Variants in ZSCAN2 observed in about 807,000 individuals in gnomAD.
ZSCAN2 encodes the protein zinc finger and SCAN domain-containing protein 2.
Under a neutral mutation model 47.8 loss-of-function variants are expected in ZSCAN2, and 26 were observed. That is an observed-to-expected ratio of 0.54 (90% confidence interval 0.40 to 0.75). The LOEUF (loss-of-function observed/expected upper bound fraction) is 0.75, where lower values mean the gene tolerates loss of function less well. Among genes scored for constraint, ZSCAN2 ranks in the 30% least tolerant of loss-of-function variants. The pLI is 0.00. For synonymous variants in ZSCAN2, 305 were observed against 288.7 expected (o/e 1.06, Z -0.57); for missense variants, 732 against 785.4 (o/e 0.93, Z 0.81).
At chr15:84,618,499 G>A (rs190990545) in intron 2 of ZSCAN2, among the ~76,000 whole-genome samples, 14 of 152,088 alleles carry the variant, frequency 9.2e-5, no homozygotes, top group African/African-American at 2.7e-4. Context: ...AGAGGACATT[G>A]TGTGGTATAA....
At chr15:84,619,429 CAA>C (rs760419756) in intron 2 of ZSCAN2, among the ~76,000 whole-genome samples, 26 of 109,422 alleles carry the variant, frequency 2.4e-4, no homozygotes, top group South Asian at 2.9e-4. Context: ...GACTCCGTCT[CAA>C]AAAAAAAAAA....
intron 2 of ZSCAN2, chr15:84,611,765 C>G (rs1440349139): frequency 6.6e-6 from 1 of 152,086 alleles, no homozygotes; most frequent in Non-Finnish European, 1.5e-5. Flanking sequence ...AACAGAAAAG[C>G]AAGAACAACA....
At position 84,601,618 on chromosome 15, in the gene ZSCAN2, C is replaced by CT. The variant is rs879305156; in HGVS notation, c.-109+493dup. Reference sequence around the variant, plus strand: ...TTCCCACTAGCTTTTATTTTTTGTCCTTTTTTTTTTAAGCTTTTGTCAGCT... The same window carrying CT: ...TTCCCACTAGCTTTTATTTTTTGTCCTTTTTTTTTTTAAGCTTTTGTCAGCT... On this transcript the variant is annotated intron_variant, in intron 1 of 2. Coordinates refer to ENST00000546148, the MANE Select transcript of ZSCAN2 (RefSeq NM_181877.4). 1.2e-3 allele frequency among the ~76,000 whole-genome samples: 173 copies of CT among 148,764 alleles called. 1 individual carries two copies. Among genetic ancestry groups the CT allele is most frequent in the Middle Eastern group, 3.4e-3 (1 of 290 alleles).
At chr15:84,609,039 C>T (rs1414774194) in intron 2 of ZSCAN2, among the ~76,000 whole-genome samples, 2 of 152,224 alleles carry the variant, frequency 1.3e-5, no homozygotes, top group Non-Finnish European at 2.9e-5. Flanking sequence ...TCACAGCTGA[C>T]CTCTCCAGCC....
At chr15:84,602,871 C>A (rs1002781072) in intron 1 of ZSCAN2, among the ~76,000 whole-genome samples, 1 of 151,948 alleles carries the variant, frequency 6.6e-6, no homozygotes, top group Non-Finnish European at 1.5e-5. Flanking sequence ...TTACAGGCAA[C>A]CACGCCAAGC....
chr15:84,621,296 C>T lies in ZSCAN2; in HGVS notation c.1101C>T (p.Cys367=), dbSNP rs199585522. ...TGEKPYECKE[C]GESFSYNSNL... is the part of the protein sequence containing the mutation. ...AAAAGCCCTACGAATGTAAAGAATGCGGCGAAAGCTTTAGTTACAACTCCA... is the reference window on the plus strand; with the variant it reads ...AAAAGCCCTACGAATGTAAAGAATGTGGCGAAAGCTTTAGTTACAACTCCA... Residue 367 remains cysteine, a synonymous_variant, in exon 3 of 3, where the codon TGC becomes TGT. Coordinates refer to ENST00000546148, the MANE Select transcript of ZSCAN2 (RefSeq NM_181877.4). The surrounding 1 kb of genome is among the most constrained non-coding windows in gnomAD (Gnocchi z 5.7). 3.9e-4 allele frequency: 625 copies of T among 1,613,820 alleles called. 6 individuals carry two copies. Among genetic ancestry groups the T allele is most frequent in the East Asian group, 1.8e-3 (79 of 44,860 alleles).
chr15:84,604,738 C>CTTTT (rs11459006), intron 2 of ZSCAN2, among the ~76,000 whole-genome samples: 2 of 129,026 alleles, frequency 1.6e-5, no homozygotes, highest in African/African-American at 6.0e-5. Flanking sequence ...TTTCTTTTTT[C>CTTTT]TTTTTTTTTT....
intron 2 of ZSCAN2, among the ~76,000 whole-genome samples, chr15:84,618,858 C>T (rs1031279537): frequency 6.6e-6 from 1 of 152,076 alleles, no homozygotes; most frequent in Non-Finnish European, 1.5e-5. Context: ...GCCACCATGC[C>T]CGGTGTCAGT....
chr15:84,618,172 C>G (rs1457060511), intron 2 of ZSCAN2, among the ~76,000 whole-genome samples: 4 of 152,178 alleles, frequency 2.6e-5, no homozygotes, highest in Non-Finnish European at 4.4e-5. Context: ...AATCCCAGCA[C>G]TATAAGAGGC....
chr15:84,619,792 C>T (rs944677871), intron 2 of ZSCAN2, among the ~76,000 whole-genome samples: 1 of 152,094 alleles, frequency 6.6e-6, no homozygotes, highest in African/African-American at 2.4e-5. Context: ...AAAATTCCCA[C>T]CTGACCTCAT....
chr15:84,618,949 G>C, intron 2 of ZSCAN2, among the ~76,000 whole-genome samples: 1 of 152,208 alleles, frequency 6.6e-6, no homozygotes, highest in Non-Finnish European at 1.5e-5. Flanking sequence ...CAGTTCTGCC[G>C]GGGGTCAGAA....
intron 2 of ZSCAN2, among the ~76,000 whole-genome samples, chr15:84,608,816 CA>C (rs781131494): frequency 4.5e-4 from 69 of 152,284 alleles, no homozygotes; most frequent in Non-Finnish European, 8.1e-4. Context: ...CTTTGTTCTT[CA>C]GGGGGTGGTC....
chr15:84,615,306 C>G (rs748421204), intron 2 of ZSCAN2, among the ~76,000 whole-genome samples: 2 of 151,952 alleles, frequency 1.3e-5, no homozygotes, highest in African/African-American at 2.4e-5. Flanking sequence ...GTTATGTTTA[C>G]TGATTCTCCT....
At position 84,622,781 on chromosome 15, in the gene ZSCAN2, C is replaced by T. The variant is rs940993900; in HGVS notation, c.*741C>T. 1.5e-6 allele frequency: 1 copy of T among 687,886 alleles called. No individual in the cohort carries two copies. The highest frequency in any genetic ancestry group is 1.8e-5 in the African/African-American group (1 of 56,224). 42.6% of individuals were successfully genotyped at this position (687,886 alleles called of 1,614,324 possible). A position where few individuals can be genotyped will look rare whatever the true frequency, so the allele number is the denominator to read the frequency against. On this transcript the variant is annotated 3_prime_UTR_variant, in exon 3 of 3. Transcript: ENST00000546148. Reference sequence around the variant, plus strand: ...GACATTTCAGTGCTTGCTTTTGTCTCTGCCTACTGTCCTGTGGTAGATCAG... The same window carrying T: ...GACATTTCAGTGCTTGCTTTTGTCTTTGCCTACTGTCCTGTGGTAGATCAG...
In ZSCAN2 at chr15:84,604,217, A is replaced by AGAT. The variant is rs1895304403; in HGVS notation, c.292_294dup (p.Met98dup). On this transcript the variant is annotated inframe_insertion, in exon 2 of 3. Coordinates refer to ENST00000546148, the MANE Select transcript of ZSCAN2 (RefSeq NM_181877.4). Reference sequence around the variant, plus strand: ...AGACCAGAGGTACACACCAAGGAGCAGATGTTAACCATGCTGCCAAAGGAA... The same window carrying AGAT: ...AGACCAGAGGTACACACCAAGGAGCAGATGATGTTAACCATGCTGCCAAAGGAA... 1.2e-6 allele frequency: 2 copies of AGAT among 1,613,958 alleles called. No homozygotes were observed. The highest frequency in any genetic ancestry group is 1.7e-5 in the Admixed American group (1 of 59,994).
intron 2 of ZSCAN2, among the ~76,000 whole-genome samples, chr15:84,610,675 T>G (rs1895522248): frequency 6.6e-6 from 1 of 151,902 alleles, no homozygotes. Context: ...TTAGAAGAGA[T>G]GGGGTTTCAC....
chr15:84,611,739 A>C (rs1002007144), intron 2 of ZSCAN2: 1 of 152,212 alleles, frequency 6.6e-6, no homozygotes, highest in Non-Finnish European at 1.5e-5. Context: ...AGACTGTCTC[A>C]AAAAACACAA....
At position 84,619,926 on chromosome 15, in the gene ZSCAN2, G is replaced by GTTTTTTTTTTTTTT. The variant is rs1567012471; in HGVS notation, c.407-676_407-675insTTTTTTTTTTTTTT. Among the ~76,000 whole-genome samples the GTTTTTTTTTTTTTT allele has an allele frequency of 1.7e-4, 5 of 28,672 alleles. 1 individual carries two copies. The highest frequency in any genetic ancestry group is 2.2e-4 in the African/African-American group (2 of 8,900). The allele number at this position is 28,672 out of a possible 152,430, so 18.8% of individuals were successfully genotyped here. On this transcript the variant is annotated intron_variant, in intron 2 of 2. Coordinates refer to ENST00000546148, the MANE Select transcript of ZSCAN2 (RefSeq NM_181877.4). Reference sequence around the variant, plus strand: ...AGTCAGAATGAAATAAGCCTGGGTTGGTTTTTTTTTTTTTTTTTTTCCATC... The same window carrying GTTTTTTTTTTTTTT: ...AGTCAGAATGAAATAAGCCTGGGTTGTTTTTTTTTTTTTTGTTTTTTTTTTTTTTTTTTTCCATC...
intron 2 of ZSCAN2, among the ~76,000 whole-genome samples, chr15:84,610,061 C>T (rs988843651): frequency 2.6e-5 from 4 of 152,144 alleles, no homozygotes; most frequent in African/African-American, 9.7e-5. Context: ...GTGGCAAGTG[C>T]GAGAAATACA....
Sources: gnomAD v4.1 joint callset for allele counts (sites outside exome capture counted in the v4.1 genomes callset) on GRCh38, gnomAD v4.1.1 for gene constraint, Gnocchi (gnomAD v3.1) non-coding constraint, MANE v1.5 for transcripts, NCBI Gene and HGNC (gene_info 2026-07-23, HGNC 2026-07-21) for gene names.